Variants in CENPO observed in about 807,000 individuals in gnomAD.
CENPO encodes centromeric protein O.
CENPO carries 30 observed loss-of-function variants against 36.1 expected under a neutral mutation model. The ratio of observed to expected loss-of-function variants is 0.83; its 90% CI spans 0.62 to 1.13. The LOEUF (loss-of-function observed/expected upper bound fraction) is 1.13. Among genes scored for constraint, CENPO ranks in the 50% most tolerant of loss-of-function variants. The pLI, the probability that CENPO is intolerant of heterozygous loss-of-function variation, is 0.00. For missense variants in CENPO, 349 were observed against 357.8 expected (o/e 0.98, Z 0.20); for synonymous variants, 171 against 142.3 (o/e 1.20, Z -1.44).
At chr2:24,815,872 T>C (rs1413327400) in intron 5 of CENPO, 116 bp downstream of exon 5, 1 of 895,334 alleles carries the variant, frequency 1.1e-6, no homozygotes, top group Non-Finnish European at 1.7e-6. Flanking sequence ...GACCGTTACC[T>C]TTCCGATGCT....
At chr2:24,803,340 C>G (rs1442498550) in intron 3 of CENPO, among the ~76,000 whole-genome samples, 1 of 152,002 alleles carries the variant, frequency 6.6e-6, no homozygotes, top group Non-Finnish European at 1.5e-5. Context: ...CAGTTCTGCT[C>G]TGATCTTAGT....
At chr2:24,815,375 T>G (rs1047492166) in intron 4 of CENPO, 122 bp from the exon 5 acceptor site, 2 of 756,948 alleles carry the variant, frequency 2.6e-6, no homozygotes, top group African/African-American at 3.5e-5. Context: ...TGATACTCAT[T>G]GAACAAACAT....
intron 2 of CENPO, among the ~76,000 whole-genome samples, chr2:24,798,975 CTTTTTTT>C (rs70947846): frequency 2.6e-5 from 3 of 114,528 alleles, no homozygotes; most frequent in Non-Finnish European, 5.2e-5. Context: ...CTGGGGCTTC[CTTTTTTT>C]TTTTTTTTTT....
intron 3 of CENPO, among the ~76,000 whole-genome samples, chr2:24,806,117 T>C (rs542046809): frequency 6.6e-6 from 1 of 152,342 alleles, no homozygotes; most frequent in South Asian, 2.1e-4. Flanking sequence ...TAGGACCCTC[T>C]GAGCCAGGCG....
At chr2:24,806,813 C>T (rs1383108172) in intron 3 of CENPO, among the ~76,000 whole-genome samples, 9 of 152,148 alleles carry the variant, frequency 5.9e-5, no homozygotes, top group African/African-American at 2.2e-4. Flanking sequence ...GAGCTTGACC[C>T]TTCCCTTTTT....
At chr2:24,817,894 G>A in intron 7 of CENPO, 53 bp downstream of exon 7, 1 of 1,464,676 alleles carries the variant, frequency 6.8e-7, no homozygotes, top group Non-Finnish European at 9.5e-7. Context: ...GTCTGATGAA[G>A]GGTACATCAC....
chr2:24,816,501 T>C, intron 5 of CENPO, 145 bp from the exon 6 acceptor site: 1 of 657,394 alleles, frequency 1.5e-6, no homozygotes, highest in South Asian at 2.3e-5. Flanking sequence ...TTAGTCCTTT[T>C]TTCAGACCTT....
intron 2 of CENPO, among the ~76,000 whole-genome samples, chr2:24,798,327 C>T (rs1020915997): frequency 2.0e-5 from 3 of 151,448 alleles, no homozygotes; most frequent in Non-Finnish European, 4.4e-5. Context: ...GAGACTTGAG[C>T]GTGTGTGGAA....
chr2:24,816,951 G>T, intron 6 of CENPO, 134 bp downstream of exon 6: 1 of 685,866 alleles, frequency 1.5e-6, no homozygotes, highest in East Asian at 3.0e-5. Flanking sequence ...TACTCAGACC[G>T]GTAAGATAGA....
chr2:24,816,853 C>A (rs200810018), intron 6 of CENPO, 36 bp downstream of exon 6: 32 of 1,539,342 alleles, frequency 2.1e-5, no homozygotes, highest in Admixed American at 6.2e-5. Flanking sequence ...ATTCTCATAT[C>A]CCAGTTTATT....
intron 3 of CENPO, among the ~76,000 whole-genome samples, chr2:24,805,118 C>T (rs968713619): frequency 8.0e-5 from 12 of 150,918 alleles, no homozygotes; most frequent in South Asian, 2.1e-4. Context: ...TTGATCGAAT[C>T]GGCTACTGAG....
Position 24,820,688 on chromosome 2 carries a change from A to G in CENPO, c.*1370A>G. On this transcript the variant is annotated 3_prime_UTR_variant, in exon 8 of 8. Coordinates refer to ENST00000380834, the MANE Select transcript of CENPO (RefSeq NM_001322101.2). ...CTGTTCCGGTTTTGTTCTCATGCCG[A>G]GTCTGAGCACGTGCCAGCTGTGCCA... 2 of 1,612,930 alleles carry G rather than the reference A, an allele frequency of 1.2e-6. No individual in the cohort carries two copies. Among genetic ancestry groups the G allele is most frequent in the Non-Finnish European group, 1.7e-6 (2 of 1,179,290 alleles).
chr2:24,802,995 T>C (rs1475044354), intron 3 of CENPO, among the ~76,000 whole-genome samples: 1 of 152,224 alleles, frequency 6.6e-6, no homozygotes. Flanking sequence ...AATTATTGCC[T>C]CAATTTCAGA....
intron 3 of CENPO, among the ~76,000 whole-genome samples, chr2:24,803,893 T>C (rs1439637507): frequency 6.6e-5 from 10 of 152,306 alleles, no homozygotes; most frequent in Non-Finnish European, 1.3e-4. Flanking sequence ...TTGTTAACTT[T>C]CTGTCTCGTT....
chr2:24,812,838 T>C (rs970768280), intron 3 of CENPO, among the ~76,000 whole-genome samples: 78 of 152,122 alleles, frequency 5.1e-4, no homozygotes, highest in Middle Eastern at 3.4e-3. Flanking sequence ...TTGGCATCTG[T>C]TCTGTTGTCT....
chr2:24,804,216 A>G (rs1431513333), intron 3 of CENPO, among the ~76,000 whole-genome samples: 2 of 152,006 alleles, frequency 1.3e-5, no homozygotes, highest in African/African-American at 2.4e-5. Flanking sequence ...TTTTGAGCCT[A>G]AGTGTGTCTC....
At chr2:24,817,486 G>A (rs992046387) in intron 6 of CENPO, among the ~76,000 whole-genome samples, 184 bp from the exon 7 acceptor site, 3 of 75,420 alleles carry the variant, frequency 4.0e-5, no homozygotes, top group Admixed American at 1.5e-4. Context: ...AGCTGTATGG[G>A]TCCAGTGGGT....
intron 7 of CENPO, among the ~76,000 whole-genome samples, chr2:24,818,282 CAAA>C (rs1667054721): frequency 6.6e-6 from 1 of 152,120 alleles, no homozygotes. Context: ...GCACTCCACT[CAAA>C]CTGCAATAGC....
Position 24,821,785 on chromosome 2 carries a change from G to A in CENPO, c.*2467G>A. ...CTTTTCCTCCCACAAAGGAGTCGCA[G>A]CCACGCTAGCTCTGACTTGCCACTG... On this transcript the variant is annotated 3_prime_UTR_variant, in exon 8 of 8. Coordinates refer to ENST00000380834, the MANE Select transcript of CENPO (RefSeq NM_001322101.2). 1 of 1,223,498 alleles carries A rather than the reference G, an allele frequency of 8.2e-7. No homozygotes were observed. Among genetic ancestry groups the A allele is most frequent in the Non-Finnish European group, 1.1e-6 (1 of 887,732 alleles). The allele number at this position is 1,223,498 out of a possible 1,614,324, so 75.8% of individuals were successfully genotyped here.
Sources: gnomAD v4.1 joint callset for allele counts (sites outside exome capture counted in the v4.1 genomes callset) on GRCh38, gnomAD v4.1.1 for gene constraint, MANE v1.5 for transcripts, NCBI Gene and HGNC (gene_info 2026-07-23, HGNC 2026-07-21) for gene names.